The following JMJD4 variants were observed in gnomAD, a reference collection of about 807,000 sequenced individuals.
JMJD4 encodes the protein 2-oxoglutarate and iron-dependent oxygenase JMJD4.
JMJD4 carries 34 observed loss-of-function variants against 36.3 expected under a neutral mutation model. The observed-to-expected ratio is 0.94, with a 90% CI of 0.71 to 1.25. The LOEUF is 1.25. Among genes scored for constraint, JMJD4 ranks in the 50% most tolerant of loss-of-function variants. The pLI, the probability that JMJD4 is intolerant of heterozygous loss-of-function variation, is 0.00. For synonymous variants in JMJD4, 269 were observed against 235.3 expected (o/e 1.14, Z -1.31); for missense variants, 584 against 559.1 (o/e 1.04, Z -0.45).
intron 2 of JMJD4, chr1:227,734,254 G>A (rs757617374): frequency 3.8e-5 from 21 of 555,848 alleles, no homozygotes; most frequent in Non-Finnish European, 6.3e-5. Context: ...TACTGATCAT[G>A]CCTATAATCC....
chr1:227,733,718 G>A (rs760704981), intron 3 of JMJD4, 37 bp from the exon 4 acceptor site: 7 of 1,598,170 alleles, frequency 4.4e-6, no homozygotes, highest in Non-Finnish European at 5.9e-6. Flanking sequence ...TGCCTGTAGG[G>A]GCTGGTATGG....
At position 227,732,290 on chromosome 1, in the gene JMJD4, G is replaced by C. The variant is rs775515248; in HGVS notation, c.*102C>G. The C allele has an allele frequency of 7.3e-7, 1 of 1,373,536 alleles. No homozygotes were observed. Among genetic ancestry groups the C allele is most frequent in the East Asian group, 2.3e-5 (1 of 43,400 alleles). 85.1% of individuals were successfully genotyped at this position (1,373,536 alleles called of 1,614,324 possible). A position where few individuals can be genotyped will look rare whatever the true frequency, so the allele number is the denominator to read the frequency against. On this transcript the variant is annotated 3_prime_UTR_variant, in exon 6 of 6. Transcript: ENST00000620518. ...CAGCCAGGCCACAAGCCTCGACAGG[G>C]GTGGGCCCCAGGTCACAGGGAGGGC... is the stretch of plus-strand genomic sequence containing the variant.
At position 227,733,029 on chromosome 1, in the gene JMJD4, T is replaced by C; in HGVS notation, c.823-2A>G. On this transcript the variant is annotated splice_acceptor_variant, in intron 4 of 5. Coordinates refer to ENST00000620518, the MANE Select transcript of JMJD4 (RefSeq NM_023007.3). LOFTEE classifies it high-confidence loss of function. ...GTGGTTGATGGAGATGGTGTCATCCTGGAAGGGGCACAGTGCAGGCAGGCC... is the reference window on the plus strand; with the variant it reads ...GTGGTTGATGGAGATGGTGTCATCCCGGAAGGGGCACAGTGCAGGCAGGCC... The C allele has an allele frequency of 6.2e-7, 1 of 1,613,436 alleles. No homozygotes were observed. Among genetic ancestry groups the C allele is most frequent in the Non-Finnish European group, 8.5e-7 (1 of 1,179,994 alleles).
intron 5 of JMJD4, 90 bp from the exon 6 acceptor site, chr1:227,732,766 A>G: frequency 3.1e-6 from 5 of 1,590,214 alleles, no homozygotes; most frequent in Non-Finnish European, 4.3e-6. Flanking sequence ...CCAAGGACGA[A>G]GAAGGGACCA....
Position 227,732,375 on chromosome 1 carries a change from T to C in JMJD4, c.*17A>G. ...GCTGCCTCTCTTCCACCCGTCCTTC[T>C]ATCCTCACGACAGGTGCTATGGGGC... On this transcript the variant is annotated 3_prime_UTR_variant, in exon 6 of 6. Coordinates refer to ENST00000620518, the MANE Select transcript of JMJD4 (RefSeq NM_023007.3). 6.2e-7 allele frequency: 1 copy of C among 1,608,790 alleles called. No individual in the cohort carries two copies. The highest frequency in any genetic ancestry group is 8.5e-7 in the Non-Finnish European group (1 of 1,177,612).
chr1:227,734,944 G>T, intron 1 of JMJD4, 68 bp downstream of exon 1: 2 of 1,499,762 alleles, frequency 1.3e-6, no homozygotes, highest in Non-Finnish European at 1.8e-6. Context: ...CTCTCTAGGC[G>T]GGGGCCTCCC....
Position 227,732,883 on chromosome 1 carries a change from G to C in JMJD4, c.967C>G (p.Gln323Glu), listed in dbSNP as rs771252367. 6.2e-7 allele frequency: 1 copy of C among 1,612,610 alleles called. No individual in the cohort carries two copies. The change falls in exon 5 of 6, where the codon CAG (glutamine) becomes GAG (glutamate). Residue 323 changes from glutamine to glutamate, a missense_variant and splice_region_variant. Gln to Glu is a conservative substitution (Grantham distance 29). Transcript: ENST00000620518. ...GCCTCCATGCGTAGCCACCCCACCT[G>C]GCAGTGGTGGTGCCAGTCGGGCATG... is the stretch of plus-strand genomic sequence containing the variant. ...DSMPDWHHHC[Q>E]VIMRSCSGIN...
At chr1:227,733,316 C>T in intron 4 of JMJD4, 98 bp downstream of exon 4, 1 of 1,341,182 alleles carries the variant, frequency 7.5e-7, no homozygotes, top group Non-Finnish European at 1.0e-6. Flanking sequence ...ATGAGCCACC[C>T]CATTCCAGCC....
At position 227,735,229 on chromosome 1, in the gene JMJD4, G is replaced by A. The variant is rs1335021753; in HGVS notation, c.45C>T (p.Gly15=). 1.4e-5 allele frequency: 23 copies of A among 1,597,284 alleles called. No individual in the cohort carries two copies. The highest frequency in any genetic ancestry group is 2.0e-5 in the Non-Finnish European group (23 of 1,172,716). Residue 15 remains glycine (G), a synonymous_variant, in exon 1 of 6, where the codon GGC becomes GGT. Transcript: ENST00000620518. The part of the protein sequence containing the change: ...TRALADSHFR[G]LGVDVPGVGQ... ...CGACGCCGGGGACATCGACCCCCAG[G>A]CCTCGGAAGTGGCTGTCGGCGAGGG...
intron 5 of JMJD4, 30 bp downstream of exon 5, chr1:227,732,851 G>A: frequency 6.2e-7 from 1 of 1,611,280 alleles, no homozygotes; most frequent in Non-Finnish European, 8.5e-7. Context: ...CCTCCCCCAG[G>A]AGGGTAGCCT....
Position 227,733,700 on chromosome 1 carries a change from C to G in JMJD4, c.555-19G>C. ...CGGGGACCTGCGGCAGCAAGAGCGC[C>G]TGGTTCATGCCTGTAGGGGCTGGTA... On this transcript the variant is annotated intron_variant, in intron 3 of 5. Coordinates refer to ENST00000620518, the MANE Select transcript of JMJD4 (RefSeq NM_023007.3). 1 of 1,599,186 alleles carries G rather than the reference C, an allele frequency of 6.3e-7. No individual in the cohort carries two copies. The highest frequency in any genetic ancestry group is 8.5e-7 in the Non-Finnish European group (1 of 1,179,852).
intron 3 of JMJD4, 113 bp from the exon 4 acceptor site, chr1:227,733,794 T>C: frequency 6.3e-7 from 1 of 1,582,542 alleles, no homozygotes; most frequent in South Asian, 1.1e-5. Flanking sequence ...TCTCAAGGGA[T>C]GGCACCCACT....
Position 227,735,161 on chromosome 1 carries a change from G to C in JMJD4, c.113C>G (p.Ala38Gly), listed in dbSNP as rs775519701. The C allele has an allele frequency of 6.3e-7, 1 of 1,580,720 alleles. No individual in the cohort carries two copies. The highest frequency in any genetic ancestry group is 1.4e-5 in the African/African-American group (1 of 73,994). Reference protein sequence around the residue: ...GRVAFVSEPGAFSYADFVRGF... With the variant: ...GRVAFVSEPGGFSYADFVRGF... The stretch of plus-strand genomic sequence containing the variant: ...CCGCACAAAGTCGGCGTAGGAGAAG[G>C]CGCCCGGCTCCGAGACGAAGGCTAC... Residue 38 changes from alanine to glycine, a missense_variant, in exon 1 of 6, where the codon GCC (alanine) becomes GGC (glycine). By Grantham distance (60) the Ala-to-Gly change is moderately conservative (BLOSUM62 0). Coordinates refer to ENST00000620518, the MANE Select transcript of JMJD4 (RefSeq NM_023007.3).
chr1:227,732,480 T>C lies in JMJD4; in HGVS notation c.1166A>G (p.Gln389Arg). The change falls in exon 6 of 6, where the codon CAG becomes CGG. Residue 389 changes from glutamine to arginine, a missense_variant. Physicochemically the swap from Gln to Arg is conservative, Grantham distance 43. Coordinates refer to ENST00000620518, the MANE Select transcript of JMJD4 (RefSeq NM_023007.3). ...TGAGAACGCGCTGGTGTCCACTCTC[T>C]GGAAGTCGGGGTGCGCAACCAAGGA... is the stretch of plus-strand genomic sequence containing the variant. The part of the protein sequence containing the change: ...LASLVAHPDF[Q>R]RVDTSAFSPQ... 6.2e-7 allele frequency: 1 copy of C among 1,613,328 alleles called. No homozygotes were observed. The highest frequency in any genetic ancestry group is 8.5e-7 in the Non-Finnish European group (1 of 1,180,022).
At position 227,732,367 on chromosome 1, in the gene JMJD4, C is replaced by T. The variant is rs756031409; in HGVS notation, c.*25G>A. ...AGCAGGAGGCTGCCTCTCTTCCACC[C>T]GTCCTTCTATCCTCACGACAGGTGC... is the stretch of plus-strand genomic sequence containing the variant. On this transcript the variant is annotated 3_prime_UTR_variant, in exon 6 of 6. Coordinates refer to ENST00000620518, the MANE Select transcript of JMJD4 (RefSeq NM_023007.3). The T allele has an allele frequency of 1.1e-5, 18 of 1,604,586 alleles. No individual in the cohort carries two copies. The highest frequency in any genetic ancestry group is 2.2e-5 in the South Asian group (2 of 90,894).
At position 227,732,332 on chromosome 1, in the gene JMJD4, A is replaced by G. The variant is rs925679774; in HGVS notation, c.*60T>C. On this transcript the variant is annotated 3_prime_UTR_variant, in exon 6 of 6. Coordinates refer to ENST00000620518, the MANE Select transcript of JMJD4 (RefSeq NM_023007.3). ...AGGGAGGGCGGTCTTTATTTCTGGAAGGGCCCCGGAGCAGGAGGCTGCCTC... is the reference window on the plus strand; with the variant it reads ...AGGGAGGGCGGTCTTTATTTCTGGAGGGGCCCCGGAGCAGGAGGCTGCCTC... 12 of 1,577,622 alleles carry G rather than the reference A, an allele frequency of 7.6e-6. No homozygotes were observed. In the African/African-American group the frequency reaches 1.5e-4, roughly 20 times the overall value.
rs762088817 is a variant in JMJD4, at chr1:227,732,419, C to T, written c.1227G>A (p.Glu409=). Residue 409 remains glutamate, a synonymous_variant, in exon 6 of 6, where the codon GAG becomes GAA. Coordinates refer to ENST00000620518, the MANE Select transcript of JMJD4 (RefSeq NM_023007.3). The part of the protein sequence containing the change: ...QPKELLQQLR[E]AVDAAAAP ...ATGGGGCCGCAGCAGCATCAACAGC[C>T]TCTCTCAGCTGCTGCAGCAGCTCTT... is the stretch of plus-strand genomic sequence containing the variant. The T allele has an allele frequency of 6.2e-7, 1 of 1,613,018 alleles. No homozygotes were observed. The highest frequency in any genetic ancestry group is 1.3e-5 in the African/African-American group (1 of 75,070).
At position 227,732,635 on chromosome 1, in the gene JMJD4, A is replaced by G. The variant is rs1304114989; in HGVS notation, c.1011T>C (p.Phe337=). ...RSCSGINFEE[F]YHFLKVIAEK... Reference sequence around the variant, plus strand: ...CAGCGATGACCTTGAGGAAGTGGTAAAACTCTTCAAAGTTGATGCCCGAGC... The same window carrying G: ...CAGCGATGACCTTGAGGAAGTGGTAGAACTCTTCAAAGTTGATGCCCGAGC... The change falls in exon 6 of 6, where the codon TTT becomes TTC. Residue 337 remains phenylalanine (F), a synonymous_variant. Coordinates refer to ENST00000620518, the MANE Select transcript of JMJD4 (RefSeq NM_023007.3). 6.2e-7 allele frequency: 1 copy of G among 1,613,430 alleles called. No homozygotes were observed. Among genetic ancestry groups the G allele is most frequent in the African/African-American group, 1.3e-5 (1 of 75,040 alleles).
chr1:227,733,171 G>A, intron 4 of JMJD4, 144 bp from the exon 5 acceptor site: 2 of 1,001,796 alleles, frequency 2.0e-6, no homozygotes, highest in South Asian at 3.2e-5. Flanking sequence ...GGCTTGCTCA[G>A]CAGGGAAGTG....
Sources: gnomAD v4.1 joint callset for allele counts on GRCh38, gnomAD v4.1.1 for gene constraint, MANE v1.5 for transcripts, NCBI Gene and HGNC (gene_info 2026-07-23, HGNC 2026-07-21) for gene names.